The following PAM variants were observed in gnomAD, a reference collection of about 807,000 sequenced individuals.
PAM encodes peptidyl-glycine alpha-amidating monooxygenase.
PAM carries 72 observed loss-of-function variants against 122.1 expected under a neutral mutation model. The ratio of observed to expected loss-of-function variants is 0.59; its 90% CI spans 0.49 to 0.72. The LOEUF is 0.72. Ranked by LOEUF, PAM falls within the 30% of genes least tolerant of loss-of-function variation. The pLI, the probability that PAM is intolerant of heterozygous loss-of-function variation, is 0.00. For missense variants in PAM, 1,106 were observed against 1,183.7 expected (o/e 0.93, Z 0.96); for synonymous variants, 389 against 404.4 (o/e 0.96, Z 0.46).
At chr5:102,881,129 T>TACACACACACACACACACACAC (rs34434423) in intron 3 of PAM, among the ~76,000 whole-genome samples, 121 of 145,792 alleles carry the variant, frequency 8.3e-4, no homozygotes, top group African/African-American at 2.7e-3. Flanking sequence ...TTTTTATACA[T>TACACACACACACACACACACAC]ACACACACAC....
chr5:102,810,350 G>A (rs1055425182), intron 1 of PAM, among the ~76,000 whole-genome samples: 2 of 152,110 alleles, frequency 1.3e-5, no homozygotes, highest in African/African-American at 4.8e-5. Context: ...GTTTTAGGCA[G>A]TGATTTTTAA....
At chr5:102,824,912 T>C (rs772413947) in intron 1 of PAM, among the ~76,000 whole-genome samples, 2 of 152,234 alleles carry the variant, frequency 1.3e-5, no homozygotes, top group Non-Finnish European at 2.9e-5. Flanking sequence ...ATGTAGTTCC[T>C]AAATTAGGCT....
At chr5:102,769,586 C>A (rs970440483) in intron 1 of PAM, among the ~76,000 whole-genome samples, 2 of 152,060 alleles carry the variant, frequency 1.3e-5, no homozygotes, top group African/African-American at 4.8e-5. Flanking sequence ...TCCAGTTTTC[C>A]CAGCACCATT....
Position 102,967,701 on chromosome 5 carries a change from CAAAGA to C in PAM, c.1163-6411_1163-6407del, listed in dbSNP as rs1392214518. On this transcript the variant is annotated intron_variant, in intron 14 of 25. Transcript: ENST00000438793. ...ACATGTAAGGTACATTTTTTCAAAT[CAAAGA>C]AAACTAGGCCTTTTTTTTTTTTTTT... Among the ~76,000 whole-genome samples the C allele has an allele frequency of 7.5e-5, 11 of 145,888 alleles. No homozygotes were observed. The South Asian group carries it at 2.4e-3, about 32-fold the overall frequency.
At chr5:102,891,774 G>A (rs1794853985) in intron 3 of PAM, among the ~76,000 whole-genome samples, 1 of 151,800 alleles carries the variant, frequency 6.6e-6, no homozygotes, top group Admixed American at 6.6e-5. Flanking sequence ...CTGCCTAGAT[G>A]AGTATATTTA....
chr5:102,879,465 G>A (rs1215195533), intron 3 of PAM, among the ~76,000 whole-genome samples: 1 of 152,166 alleles, frequency 6.6e-6, no homozygotes, highest in East Asian at 1.9e-4. Flanking sequence ...CTGGTGGGAG[G>A]TGATTGGATA....
At chr5:102,988,502 T>C (rs1772741216) in intron 15 of PAM, among the ~76,000 whole-genome samples, 1 of 152,138 alleles carries the variant, frequency 6.6e-6, no homozygotes, top group African/African-American at 2.4e-5. Flanking sequence ...CCACGTTTTA[T>C]TCCTTTGCGT....
At chr5:102,995,372 T>C (rs1379912567) in intron 16 of PAM, among the ~76,000 whole-genome samples, 2 of 152,164 alleles carry the variant, frequency 1.3e-5, no homozygotes, top group Non-Finnish European at 2.9e-5. Context: ...ATATGACTGT[T>C]CTTCCATCTC....
chr5:102,881,477 G>A (rs1030539646), intron 3 of PAM, among the ~76,000 whole-genome samples: 1 of 151,996 alleles, frequency 6.6e-6, no homozygotes, highest in African/African-American at 2.4e-5. Flanking sequence ...GCTGGTGGGA[G>A]GGTGCACTGC....
intron 14 of PAM, among the ~76,000 whole-genome samples, chr5:102,970,622 T>C (rs1416675506): frequency 6.6e-6 from 1 of 152,126 alleles, no homozygotes; most frequent in Non-Finnish European, 1.5e-5. Flanking sequence ...TCTGGAGGAA[T>C]GGCATTCAGA....
At chr5:102,979,064 A>G (rs867646566) in intron 15 of PAM, among the ~76,000 whole-genome samples, 3 of 151,336 alleles carry the variant, frequency 2.0e-5, no homozygotes, top group African/African-American at 7.3e-5. Flanking sequence ...ACACACACGC[A>G]CACACACATA....
At chr5:102,995,294 G>T (rs1312147791) in intron 16 of PAM, among the ~76,000 whole-genome samples, 2 of 152,004 alleles carry the variant, frequency 1.3e-5, no homozygotes, top group African/African-American at 4.8e-5. Flanking sequence ...TTCTCATATC[G>T]CAATTTCACA....
At chr5:102,983,446 C>CAAAAAAAAAAAAAAAA (rs70990421) in intron 15 of PAM, among the ~76,000 whole-genome samples, 6 of 103,570 alleles carry the variant, frequency 5.8e-5, no homozygotes, top group African/African-American at 2.2e-4. Flanking sequence ...TGAGACTGTC[C>CAAAAAAAAAAAAAAAA]AAAAAAAAAA....
At chr5:102,936,899 AT>A (rs1245844293) in intron 7 of PAM, among the ~76,000 whole-genome samples, 1 of 152,014 alleles carries the variant, frequency 6.6e-6, no homozygotes, top group South Asian at 2.1e-4. Flanking sequence ...TCACTCCTGC[AT>A]TTTTTTCCTG....
At chr5:102,981,320 C>T (rs1769741828) in intron 15 of PAM, among the ~76,000 whole-genome samples, 1 of 152,204 alleles carries the variant, frequency 6.6e-6, no homozygotes, top group African/African-American at 2.4e-5. Flanking sequence ...GGGCACTTAG[C>T]TCCCAGTACC....
chr5:102,847,176 C>T (rs1056343208), intron 1 of PAM, among the ~76,000 whole-genome samples: 32 of 152,238 alleles, frequency 2.1e-4, no homozygotes, highest in East Asian at 5.8e-4. Context: ...GATTTCAGGA[C>T]GCAGCATCTT....
At chr5:102,975,419 G>A (rs960802126) in intron 15 of PAM, among the ~76,000 whole-genome samples, 20 of 152,236 alleles carry the variant, frequency 1.3e-4, no homozygotes, top group Middle Eastern at 3.4e-3. Flanking sequence ...TAGTCCATTG[G>A]TACTGGCCTA....
chr5:102,785,163 A>G (rs1289919007), intron 1 of PAM, among the ~76,000 whole-genome samples: 1 of 152,200 alleles, frequency 6.6e-6, no homozygotes, highest in Non-Finnish European at 1.5e-5. Flanking sequence ...TGATTGGGAC[A>G]CTAAAAAGTA....
chr5:102,877,641 A>G (rs1789649033), intron 3 of PAM, among the ~76,000 whole-genome samples: 1 of 152,202 alleles, frequency 6.6e-6, no homozygotes, highest in Non-Finnish European at 1.5e-5. Flanking sequence ...TGTCTTTAAA[A>G]GAAACTAGTA....
Sources: gnomAD v4.1 joint callset for allele counts (sites outside exome capture counted in the v4.1 genomes callset) on GRCh38, gnomAD v4.1.1 for gene constraint, MANE v1.5 for transcripts, NCBI Gene and HGNC (gene_info 2026-07-23, HGNC 2026-07-21) for gene names.